The following DSE variants were observed in gnomAD, a reference collection of about 807,000 sequenced individuals.
The protein encoded by DSE is dermatan sulfate epimerase.
DSE carries 36 observed loss-of-function variants against 84.4 expected under a neutral mutation model. That is an observed-to-expected ratio of 0.43 (90% confidence interval 0.33 to 0.56). The LOEUF (loss-of-function observed/expected upper bound fraction) is 0.56. DSE is among the 20% of genes least tolerant of loss of function. The pLI, the probability that DSE is intolerant of heterozygous loss-of-function variation, is 0.06. For missense variants in DSE, 862 were observed against 1,169.6 expected, an observed-to-expected ratio of 0.74 and a Z score of 3.84; for synonymous variants, 410 against 430.1, an observed-to-expected ratio of 0.95 and a Z score of 0.58.
At chr6:116,386,695 AAAGT>A (rs1391738689) in intron 1 of DSE, among the ~76,000 whole-genome samples, 4 of 152,226 alleles carry the variant, frequency 2.6e-5, no homozygotes, top group African/African-American at 9.7e-5. Flanking sequence ...CTAGTTAACT[AAAGT>A]GTTACTGCCA....
intron 2 of DSE, among the ~76,000 whole-genome samples, chr6:116,293,240 G>A (rs1423587298): frequency 2.0e-5 from 3 of 151,584 alleles, no homozygotes; most frequent in Admixed American, 2.0e-4. Flanking sequence ...GTGATATTGA[G>A]TTCAAGGTGA....
intron 1 of DSE, among the ~76,000 whole-genome samples, chr6:116,396,263 A>G (rs908040902): frequency 1.3e-5 from 2 of 152,190 alleles, no homozygotes; most frequent in East Asian, 1.9e-4. Flanking sequence ...CATGTAAACA[A>G]CCGAAACAGT....
At chr6:116,291,430 C>A (rs1201278668) in intron 2 of DSE, among the ~76,000 whole-genome samples, 1 of 151,176 alleles carries the variant, frequency 6.6e-6, no homozygotes, top group Non-Finnish European at 1.5e-5. Context: ...ACTAAAATAC[C>A]CTGAACAAAG....
intron 2 of DSE, among the ~76,000 whole-genome samples, chr6:116,285,117 C>G (rs531813800): frequency 1.3e-5 from 2 of 152,182 alleles, no homozygotes; most frequent in Non-Finnish European, 2.9e-5. Context: ...AATGGTTGAA[C>G]TACTTTAGAG....
At chr6:116,305,099 A>C (rs919310939) in intron 2 of DSE, among the ~76,000 whole-genome samples, 4 of 151,354 alleles carry the variant, frequency 2.6e-5, no homozygotes, top group Non-Finnish European at 5.9e-5. Flanking sequence ...AGTCCTTGTC[A>C]CTCCACTAAA....
intron 2 of DSE, among the ~76,000 whole-genome samples, chr6:116,285,090 G>A (rs540887835): frequency 2.0e-5 from 3 of 152,232 alleles, no homozygotes; most frequent in Non-Finnish European, 4.4e-5. Context: ...CTGAGGACTC[G>A]CCACACTGAC....
At chr6:116,315,447 G>T (rs1419310988) in intron 2 of DSE, among the ~76,000 whole-genome samples, 2 of 151,842 alleles carry the variant, frequency 1.3e-5, no homozygotes, top group Non-Finnish European at 1.5e-5. Flanking sequence ...TCATTTACTA[G>T]GGTATACCTC....
At chr6:116,402,234 C>T (rs1781642915) in intron 2 of DSE, among the ~76,000 whole-genome samples, 1 of 152,102 alleles carries the variant, frequency 6.6e-6, no homozygotes, top group African/African-American at 2.4e-5. Context: ...TGGATCATTT[C>T]ATAAGGAGTT....
At chr6:116,275,789 ACT>A (rs1443089855) in intron 2 of DSE, among the ~76,000 whole-genome samples, 1 of 137,516 alleles carries the variant, frequency 7.3e-6, no homozygotes, top group African/African-American at 3.2e-5. Context: ...CAAGAGTGGG[ACT>A]CTATCTCAAA....
In DSE at chr6:116,359,710, G is replaced by A. The variant is rs188256372; in HGVS notation, c.-53-39488G>A. Among the ~76,000 whole-genome samples, 144 of 152,262 alleles carry A rather than the reference G, an allele frequency of 9.5e-4. 1 individual carries two copies. Among genetic ancestry groups the A allele is most frequent in the African/African-American group, 3.4e-3 (141 of 41,564 alleles). ...GTACAGTGTATAGGACAGGTAATAT[G>A]GTTAAGTGGAAACAGATAGGCTTTG... is the stretch of plus-strand genomic sequence containing the variant. On this transcript the variant is annotated intron_variant, in intron 2 of 3. Transcript: ENST00000430252.
intron 2 of DSE, among the ~76,000 whole-genome samples, chr6:116,271,559 A>G (rs1772877853): frequency 6.6e-6 from 1 of 152,202 alleles, no homozygotes; most frequent in African/African-American, 2.4e-5. Flanking sequence ...ACTTCACTTC[A>G]ATGACCAGAG....
intron 1 of DSE, among the ~76,000 whole-genome samples, chr6:116,389,351 G>A (rs997297715): frequency 6.6e-6 from 1 of 151,810 alleles, no homozygotes; most frequent in African/African-American, 2.4e-5. Flanking sequence ...CACTGATAGT[G>A]TTTTGAGGTG....
At chr6:116,404,896 T>G (rs1289091085) in intron 2 of DSE, among the ~76,000 whole-genome samples, 1 of 152,010 alleles carries the variant, frequency 6.6e-6, no homozygotes, top group Non-Finnish European at 1.5e-5. Context: ...ATTACTTCAC[T>G]CTTGCATTGG....
chr6:116,376,036 A>G (rs1779901939), intron 1 of DSE, among the ~76,000 whole-genome samples: 1 of 152,216 alleles, frequency 6.6e-6, no homozygotes, highest in African/African-American at 2.4e-5. Context: ...TCATATTATT[A>G]AAGACTCTAA....
intron 1 of DSE, among the ~76,000 whole-genome samples, chr6:116,380,790 ATG>A (rs1562267937): frequency 6.6e-6 from 1 of 152,224 alleles, no homozygotes; most frequent in Non-Finnish European, 1.5e-5. Flanking sequence ...GAAATAATAA[ATG>A]TGAGACAGGA....
At chr6:116,355,185 A>C (rs1778509640) in intron 2 of DSE, among the ~76,000 whole-genome samples, 1 of 152,224 alleles carries the variant, frequency 6.6e-6, no homozygotes, top group African/African-American at 2.4e-5. Flanking sequence ...AAGGAGTGGA[A>C]TTGCTGGATG....
At chr6:116,410,834 G>A (rs889177058) in intron 2 of DSE, among the ~76,000 whole-genome samples, 14 of 150,638 alleles carry the variant, frequency 9.3e-5, no homozygotes, top group Admixed American at 4.0e-4. Flanking sequence ...TAGGCCTTTG[G>A]TGTTTATCTA....
chr6:116,279,034 T>G (rs1346590755), intron 2 of DSE: 4 of 1,613,550 alleles, frequency 2.5e-6, no homozygotes, highest in Non-Finnish European at 3.4e-6. Flanking sequence ...GTTCCTCCGC[T>G]CCAGGTAGTG....
At chr6:116,283,198 G>A (rs1773652477) in intron 2 of DSE, among the ~76,000 whole-genome samples, 1 of 152,188 alleles carries the variant, frequency 6.6e-6, no homozygotes, top group African/African-American at 2.4e-5. Flanking sequence ...TTTCATAAAA[G>A]AGGAAACAGT....
Sources: allele counts gnomAD v4.1 joint callset (sites outside exome capture counted in the v4.1 genomes callset), GRCh38; gene constraint gnomAD v4.1.1; transcripts MANE v1.5; gene names NCBI Gene and HGNC (gene_info 2026-07-23, HGNC 2026-07-21).